RNF168: variants seen among roughly 807,000 people sequenced by gnomAD.
The protein encoded by RNF168 is ring finger protein 168.
In RNF168, 34 loss-of-function variants were observed where a neutral mutation model predicts 34.9. The observed-to-expected ratio is 0.97, with a 90% CI of 0.74 to 1.30. The LOEUF is 1.30. Ranked by LOEUF, RNF168 falls within the 50% of genes most tolerant of loss-of-function variation. RNF168 has a pLI of 0.00. For synonymous variants in RNF168, 264 were observed against 254.7 expected (o/e 1.04, Z -0.35); for missense variants, 725 against 682.5 (o/e 1.06, Z -0.69).
intron 3 of RNF168, among the ~76,000 whole-genome samples, chr3:196,486,130 G>A (rs1287795849): frequency 6.6e-6 from 1 of 152,136 alleles, no homozygotes; most frequent in Non-Finnish European, 1.5e-5. Flanking sequence ...ACAGGAAGCA[G>A]AACATCCAAG....
At chr3:196,488,072 G>A (rs1205225580) in intron 2 of RNF168, among the ~76,000 whole-genome samples, 4 of 152,024 alleles carry the variant, frequency 2.6e-5, no homozygotes, top group Admixed American at 2.0e-4. Flanking sequence ...GGAAAAAGAA[G>A]AATTAAAAAA....
chr3:196,494,696 T>C (rs957582471), intron 1 of RNF168, among the ~76,000 whole-genome samples: 7 of 152,130 alleles, frequency 4.6e-5, no homozygotes, highest in Admixed American at 4.6e-4. Context: ...AGTATGTACA[T>C]CAGTGTGGCT....
Position 196,503,488 on chromosome 3 carries a change from C to T in RNF168, c.-315G>A. ...GCATGAACACCGCGGCTGCGGCTCCCGGGGCAGCGAGGGGAACGCGCCAAG... is the reference window on the plus strand; with the variant it reads ...GCATGAACACCGCGGCTGCGGCTCCTGGGGCAGCGAGGGGAACGCGCCAAG... On this transcript the variant is annotated 5_prime_UTR_variant, in exon 1 of 6. Transcript: ENST00000318037. 1 of 396,990 alleles carries T rather than the reference C, an allele frequency of 2.5e-6. No individual in the cohort carries two copies. The allele number at this position is 396,990 out of a possible 1,614,324, so 24.6% of individuals were successfully genotyped here. A position where few individuals can be genotyped will look rare whatever the true frequency, so the allele number is the denominator to read the frequency against.
At chr3:196,495,425 C>T (rs1417363086) in intron 1 of RNF168, among the ~76,000 whole-genome samples, 1 of 152,232 alleles carries the variant, frequency 6.6e-6, no homozygotes, top group East Asian at 1.9e-4. Context: ...GGGTCATGCA[C>T]TGCATTTAGC....
chr3:196,469,040 T>C lies in RNF168; in HGVS notation c.*2779A>G, dbSNP rs1201212099. 1.3e-5 allele frequency: 2 copies of C among 152,172 alleles called. No individual in the cohort carries two copies. The highest frequency in any genetic ancestry group is 2.9e-5 in the Non-Finnish European group (2 of 68,028). 9.4% of individuals were successfully genotyped at this position (152,172 alleles called of 1,614,324 possible). A position where few individuals can be genotyped will look rare whatever the true frequency, so the allele number is the denominator to read the frequency against. The stretch of plus-strand genomic sequence containing the variant: ...TTCTTCACAGAGAATGAGCTGAATA[T>C]ATAAATCCCAAATATATCACACCAT... On this transcript the variant is annotated 3_prime_UTR_variant, in exon 6 of 6. Coordinates refer to ENST00000318037, the MANE Select transcript of RNF168 (RefSeq NM_152617.4).
intron 5 of RNF168, chr3:196,474,815 A>G: frequency 4.8e-6 from 1 of 209,382 alleles, no homozygotes; most frequent in Admixed American, 5.3e-5. Context: ...AGTTTGGATT[A>G]CATAGGTCAA....
At chr3:196,495,308 A>G (rs1403967420) in intron 1 of RNF168, among the ~76,000 whole-genome samples, 2 of 152,220 alleles carry the variant, frequency 1.3e-5, no homozygotes, top group Non-Finnish European at 2.9e-5. Flanking sequence ...GATCAAGTTC[A>G]AGAAAATTAA....
At position 196,469,590 on chromosome 3, in the gene RNF168, A is replaced by AT. The variant is rs1490605850; in HGVS notation, c.*2228dup. On this transcript the variant is annotated 3_prime_UTR_variant, in exon 6 of 6. Transcript: ENST00000318037. ...TATCAGCAGAAATGCTGTTAAAGCT[A>AT]TTTTTTACTAATAGTTGTTCATATT... 3 of 152,194 alleles carry AT rather than the reference A, an allele frequency of 2.0e-5. No homozygotes were observed. The highest frequency in any genetic ancestry group is 4.4e-5 in the Non-Finnish European group (3 of 68,038). 9.4% of individuals were successfully genotyped at this position (152,194 alleles called of 1,614,324 possible). A position where few individuals can be genotyped will look rare whatever the true frequency, so the allele number is the denominator to read the frequency against.
Position 196,472,473 on chromosome 3 carries a change from C to T in RNF168, c.1062G>A (p.Gly354=). The T allele has an allele frequency of 1.4e-5, 23 of 1,614,202 alleles. No individual in the cohort carries two copies. Among genetic ancestry groups the T allele is most frequent in the Non-Finnish European group, 1.9e-5 (23 of 1,180,018 alleles). ...GTGTCACCCCTGATGTGGGGGCGCA[C>T]CCACTTTCTGTTCTGCCACAAGGCA... ...AVMPCGRTES[G]CAPTSGVTQT... is the part of the protein sequence containing the mutation. Residue 354 remains glycine, a synonymous_variant, in exon 6 of 6, where the codon GGG becomes GGA. Transcript: ENST00000318037.
chr3:196,490,049 C>T lies in RNF168; in HGVS notation c.302-1366G>A, dbSNP rs55949784. On this transcript the variant is annotated intron_variant, in intron 1 of 5. Transcript: ENST00000318037. ...CAGGTTTCCATCGGCTTGAACTCAACGTCTGCCCATCACCAATACCCTTCC... is the reference window on the plus strand; with the variant it reads ...CAGGTTTCCATCGGCTTGAACTCAATGTCTGCCCATCACCAATACCCTTCC... 9.2e-3 allele frequency among the ~76,000 whole-genome samples: 1,407 copies of T among 152,274 alleles called. 22 individuals are homozygous for T. The highest frequency in any genetic ancestry group is 0.031 in the African/African-American group (1,308 of 41,556).
At chr3:196,497,346 T>C (rs538028217) in intron 1 of RNF168, among the ~76,000 whole-genome samples, 1 of 152,156 alleles carries the variant, frequency 6.6e-6, no homozygotes, top group Admixed American at 6.5e-5. Flanking sequence ...ATATTCAAAA[T>C]TAATTTGAAA....
intron 1 of RNF168, among the ~76,000 whole-genome samples, chr3:196,494,269 T>C (rs760936533): frequency 1.1e-4 from 16 of 152,220 alleles, no homozygotes; most frequent in Non-Finnish European, 2.1e-4. Context: ...ACTCTTCAGT[T>C]CTGGTTAACT....
intron 1 of RNF168, among the ~76,000 whole-genome samples, chr3:196,494,540 T>TAG (rs1203738033): frequency 1.4e-4 from 22 of 152,204 alleles, no homozygotes; most frequent in Admixed American, 1.2e-3. Flanking sequence ...ATCACTGAAC[T>TAG]AGACTGCAGC....
rs754483267 is a variant in RNF168 at position 196,503,068 on chromosome 3, A to T, written c.106T>A (p.Cys36Ser). 1.2e-6 allele frequency: 2 copies of T among 1,614,058 alleles called. No individual in the cohort carries two copies. Among genetic ancestry groups the T allele is most frequent in the African/African-American group, 2.7e-5 (2 of 74,924 alleles). The stretch of plus-strand genomic sequence containing the variant: ...ACGGTCGACTGGAAGCACGGTTTAC[A>T]CAGCGTGTGGTTACACGGGAGGGTG... ...PVTLPCNHTL[C>S]KPCFQSTVEK... The change falls in exon 1 of 6, where the codon TGT becomes AGT. Residue 36 changes from cysteine to serine, a missense_variant. Physicochemically the swap from Cys to Ser is moderately radical, Grantham distance 112. Coordinates refer to ENST00000318037, the MANE Select transcript of RNF168 (RefSeq NM_152617.4).
At chr3:196,489,990 G>A (rs1027931494) in intron 1 of RNF168, among the ~76,000 whole-genome samples, 2 of 152,180 alleles carry the variant, frequency 1.3e-5, no homozygotes, top group Admixed American at 6.5e-5. Flanking sequence ...AGTCCTCTGC[G>A]ATCGGGCAGT....
At chr3:196,493,186 G>A (rs1020239814) in intron 1 of RNF168, among the ~76,000 whole-genome samples, 1 of 152,108 alleles carries the variant, frequency 6.6e-6, no homozygotes, top group Non-Finnish European at 1.5e-5. Flanking sequence ...CAAAGGAAAG[G>A]CACGTGCGAT....
chr3:196,502,773 G>C lies in RNF168; in HGVS notation c.301+100C>G, dbSNP rs1355255893. On this transcript the variant is annotated intron_variant, in intron 1 of 5. Coordinates refer to ENST00000318037, the MANE Select transcript of RNF168 (RefSeq NM_152617.4). The stretch of plus-strand genomic sequence containing the variant: ...GAACTATTTAGACAAATACTAGTCG[G>C]GTTTTTTGGTTTGTTTTTACTTTTT... The C allele has an allele frequency of 3.9e-6, 4 of 1,015,684 alleles. No individual in the cohort carries two copies. The African/African-American group carries it at 6.3e-5, about 16-fold the overall frequency. 62.9% of individuals were successfully genotyped at this position (1,015,684 alleles called of 1,614,324 possible). A position where few individuals can be genotyped will look rare whatever the true frequency, so the allele number is the denominator to read the frequency against.
chr3:196,503,516 C>T lies in RNF168; in HGVS notation c.-343G>A, dbSNP rs115881484. Reference sequence around the variant, plus strand: ...GGCAGCGAGGGGAACGCGCCAAGTCCTCTCCTCCCCTCACCCGGAAAGGAT... The same window carrying T: ...GGCAGCGAGGGGAACGCGCCAAGTCTTCTCCTCCCCTCACCCGGAAAGGAT... On this transcript the variant is annotated 5_prime_UTR_variant, in exon 1 of 6. Coordinates refer to ENST00000318037, the MANE Select transcript of RNF168 (RefSeq NM_152617.4). The T allele has an allele frequency of 5.7e-3, 2,079 of 366,342 alleles. 9 individuals are homozygous for T. Among genetic ancestry groups the T allele is most frequent in the Non-Finnish European group, 8.8e-3 (1,692 of 191,348 alleles). The allele number at this position is 366,342 out of a possible 1,614,324, so 22.7% of individuals were successfully genotyped here. A position where few individuals can be genotyped will look rare whatever the true frequency, so the allele number is the denominator to read the frequency against.
In RNF168 at chr3:196,502,984, AC is replaced by A; in HGVS notation, c.189del (p.Tyr64ThrfsTer16). ...FCRRRVSSWT[R>X]YHTRRNSLVN... ...ACGAGAGAATTTCTTCGGGTATGGTACCGAGTCCACGACGATACCCGGCGGC... is the reference window on the plus strand; with the variant it reads ...ACGAGAGAATTTCTTCGGGTATGGTACGAGTCCACGACGATACCCGGCGGC... On this transcript the variant is annotated frameshift_variant, in exon 1 of 6. Transcript: ENST00000318037. LOFTEE classifies it high-confidence loss of function. The A allele has an allele frequency of 6.2e-7, 1 of 1,613,972 alleles. No homozygotes were observed. Among genetic ancestry groups the A allele is most frequent in the Non-Finnish European group, 8.5e-7 (1 of 1,179,962 alleles).
Sources: allele counts gnomAD v4.1 joint callset (sites outside exome capture counted in the v4.1 genomes callset), GRCh38; gene constraint gnomAD v4.1.1; transcripts MANE v1.5; gene names NCBI Gene and HGNC (gene_info 2026-07-23, HGNC 2026-07-21).